RALGPS1: variants seen among roughly 807,000 people sequenced by gnomAD.
RALGPS1 encodes ras-specific guanine nucleotide-releasing factor RalGPS1.
Under a neutral mutation model 78.8 loss-of-function variants are expected in RALGPS1, and 19 were observed. The ratio of observed to expected loss-of-function variants is 0.24; its 90% CI spans 0.17 to 0.35. The LOEUF (loss-of-function observed/expected upper bound fraction) is 0.35, where lower values mean the gene tolerates loss of function less well. Among genes scored for constraint, RALGPS1 ranks in the 10% least tolerant of loss-of-function variants. The pLI, the probability that RALGPS1 is intolerant of heterozygous loss-of-function variation, is 1.00. For synonymous variants in RALGPS1, 228 were observed against 256.3 expected (o/e 0.89, Z 1.06); for missense variants, 454 against 688.3 (o/e 0.66, Z 3.81).
chr9:126,924,468 A>C (rs531443455), intron 1 of RALGPS1, among the ~76,000 whole-genome samples: 1 of 152,350 alleles, frequency 6.6e-6, no homozygotes, highest in Admixed American at 6.5e-5. Context: ...TGTTGAACAG[A>C]GAAGCAGCCT....
chr9:127,085,711 G>C (rs750153788), intron 8 of RALGPS1, among the ~76,000 whole-genome samples: 8 of 152,196 alleles, frequency 5.3e-5, no homozygotes, highest in Non-Finnish European at 1.2e-4. Context: ...TGGCTCTGCA[G>C]TGTCCAGCAA....
chr9:126,940,203 C>T (rs771221146), intron 1 of RALGPS1, among the ~76,000 whole-genome samples: 3 of 151,990 alleles, frequency 2.0e-5, no homozygotes, highest in Non-Finnish European at 2.9e-5. Context: ...CTGCCCAGCC[C>T]GCCTCTCACT....
At chr9:127,003,535 G>T (rs919500862) in intron 4 of RALGPS1, among the ~76,000 whole-genome samples, 3 of 152,102 alleles carry the variant, frequency 2.0e-5, no homozygotes, top group Non-Finnish European at 4.4e-5. Context: ...AATGGCAATC[G>T]TTAAAAAGTC....
At chr9:126,948,155 GCCTTTTATATTTTATA>G (rs2037461420) in intron 1 of RALGPS1, among the ~76,000 whole-genome samples, 1 of 152,100 alleles carries the variant, frequency 6.6e-6, no homozygotes. Context: ...GAGCAGACTT[GCCTTTTATATTTTATA>G]CCTTTTTATC....
intron 8 of RALGPS1, among the ~76,000 whole-genome samples, chr9:127,159,708 A>G (rs2139388218): frequency 6.6e-6 from 1 of 152,300 alleles, no homozygotes; most frequent in Middle Eastern, 3.4e-3. Context: ...CATGCAGTAG[A>G]TGGAAATGCT....
intron 3 of RALGPS1, among the ~76,000 whole-genome samples, chr9:126,976,249 A>G (rs909305384): frequency 1.3e-5 from 2 of 152,154 alleles, no homozygotes; most frequent in African/African-American, 4.8e-5. Context: ...ATGCCAGTAC[A>G]TGAGCCCATC....
intron 4 of RALGPS1, among the ~76,000 whole-genome samples, chr9:127,015,135 C>T (rs1177983446): frequency 6.6e-6 from 1 of 152,278 alleles, no homozygotes; most frequent in South Asian, 2.1e-4. Flanking sequence ...TGTAGATAGT[C>T]ACTATTATTC....
chr9:127,016,213 T>C (rs1329236046), intron 4 of RALGPS1, among the ~76,000 whole-genome samples: 1 of 152,052 alleles, frequency 6.6e-6, no homozygotes, highest in Non-Finnish European at 1.5e-5. Context: ...CCTGACTGTC[T>C]CTCTCGGACT....
intron 11 of RALGPS1, chr9:127,177,790 T>G (rs1435107565): frequency 6.5e-7 from 1 of 1,536,380 alleles, no homozygotes; most frequent in African/African-American, 1.4e-5. Context: ...CTGACTGTCC[T>G]GGAAGTCAGC....
intron 8 of RALGPS1, among the ~76,000 whole-genome samples, chr9:127,071,593 TG>T (rs547749740): frequency 6.6e-6 from 1 of 152,158 alleles, no homozygotes; most frequent in Non-Finnish European, 1.5e-5. Context: ...TTTGTGTATA[TG>T]TTTTTTTTTC....
At chr9:127,050,001 T>G in intron 5 of RALGPS1, 42 bp from the exon 6 acceptor site, 1 of 1,457,864 alleles carries the variant, frequency 6.9e-7, no homozygotes, top group Non-Finnish European at 9.6e-7. Flanking sequence ...TAACAACTTT[T>G]CTGGTGTGTA....
At chr9:127,120,568 A>C (rs954993987) in intron 8 of RALGPS1, among the ~76,000 whole-genome samples, 1 of 152,244 alleles carries the variant, frequency 6.6e-6, no homozygotes, top group Non-Finnish European at 1.5e-5. Context: ...TCACGCCTGC[A>C]ATCCCAGCAC....
Position 127,003,502 on chromosome 9 carries a change from A to C in RALGPS1, c.216+25757A>C, listed in dbSNP as rs150306660. On this transcript the variant is annotated intron_variant, in intron 4 of 18. Coordinates refer to ENST00000259351, the MANE Select transcript of RALGPS1 (RefSeq NM_014636.3). ...AGAAATGCAAATCAAAACCACAATG[A>C]GATACCATCTCACACCAGTTAGAAT... Among the ~76,000 whole-genome samples, 320 of 152,320 alleles carry C rather than the reference A, an allele frequency of 2.1e-3. 2 individuals are homozygous for C. The highest frequency in any genetic ancestry group is 3.0e-3 in the Non-Finnish European group (204 of 68,018).
chr9:127,186,292 C>T (rs1277968234), intron 11 of RALGPS1, among the ~76,000 whole-genome samples: 1 of 152,170 alleles, frequency 6.6e-6, no homozygotes, highest in Non-Finnish European at 1.5e-5. Flanking sequence ...AAAAATTATG[C>T]TGAGGAAAAA....
intron 4 of RALGPS1, among the ~76,000 whole-genome samples, chr9:127,020,878 C>T (rs185770889): frequency 6.6e-6 from 1 of 152,260 alleles, no homozygotes; most frequent in East Asian, 1.9e-4. Flanking sequence ...AGCTATGCCT[C>T]TATTTCTTCA....
Position 127,009,981 on chromosome 9 carries a change from G to A in RALGPS1, c.217-24450G>A, listed in dbSNP as rs569250849. Among the ~76,000 whole-genome samples, 194 of 152,188 alleles carry A rather than the reference G, an allele frequency of 1.3e-3. 3 individuals are homozygous for A. The highest frequency in any genetic ancestry group is 0.01 in the South Asian group (50 of 4,812). On this transcript the variant is annotated intron_variant, in intron 4 of 18. Coordinates refer to ENST00000259351, the MANE Select transcript of RALGPS1 (RefSeq NM_014636.3). ...TGTGCCCCTGGGTCTATATTTCTTG[G>A]CTCCTGACTCTTCCAAGGAGGTCCC...
Position 127,220,145 on chromosome 9 carries a change from A to T in RALGPS1, c.*1376A>T, listed in dbSNP as rs1402130513. 6.6e-6 allele frequency: 1 copy of T among 152,438 alleles called. No homozygotes were observed. The highest frequency in any genetic ancestry group is 2.4e-5 in the African/African-American group (1 of 41,432). The allele number at this position is 152,438 out of a possible 1,614,324, so 9.4% of individuals were successfully genotyped here. On this transcript the variant is annotated 3_prime_UTR_variant, in exon 19 of 19. Transcript: ENST00000259351. Reference sequence around the variant, plus strand: ...TCTTCCCTCTTCCCCTTTAGTTTGGATAGCCTAACTCTGAGAAGTTAACCC... The same window carrying T: ...TCTTCCCTCTTCCCCTTTAGTTTGGTTAGCCTAACTCTGAGAAGTTAACCC...
chr9:127,096,095 C>T (rs2053102769), intron 8 of RALGPS1, among the ~76,000 whole-genome samples: 1 of 152,212 alleles, frequency 6.6e-6, no homozygotes, highest in East Asian at 1.9e-4. Context: ...CCCAGGGTAG[C>T]AGATGGGGCA....
intron 8 of RALGPS1, chr9:127,069,679 T>G: frequency 5.2e-6 from 1 of 191,044 alleles, no homozygotes; most frequent in Non-Finnish European, 1.1e-5. Flanking sequence ...AACTGGGGCA[T>G]GTCAGGCACA....
Sources: gnomAD v4.1 joint callset for allele counts (sites outside exome capture counted in the v4.1 genomes callset) on GRCh38, gnomAD v4.1.1 for gene constraint, MANE v1.5 for transcripts, NCBI Gene and HGNC (gene_info 2026-07-23, HGNC 2026-07-21) for gene names.